Variants in SLC45A3 observed in about 807,000 individuals in gnomAD.
SLC45A3 encodes solute carrier family 45 member 3, also known as prostate cancer associated protein 2.
Under a neutral mutation model 35.3 loss-of-function variants are expected in SLC45A3, and 17 were observed. The ratio of observed to expected loss-of-function variants is 0.48; its 90% confidence interval spans 0.33 to 0.72. The LOEUF (loss-of-function observed/expected upper bound fraction) is 0.72, where lower values mean the gene tolerates loss of function less well. Among genes scored for constraint, SLC45A3 ranks in the 30% least tolerant of loss-of-function variants. The pLI, the probability that SLC45A3 is intolerant of heterozygous loss-of-function variation, is 0.02. For synonymous variants in SLC45A3, 288 were observed against 334.3 expected (o/e 0.86, Z 1.51); for missense variants, 597 against 731.7 (o/e 0.82, Z 2.12).
rs567314237 is a variant in SLC45A3, at chr1:205,658,784, A to G, written c.*450T>C. The G allele has an allele frequency of 4.9e-5, 12 of 244,212 alleles. No homozygotes were observed. Among genetic ancestry groups the G allele is most frequent in the Non-Finnish European group, 8.9e-5 (11 of 123,516 alleles). The allele number at this position is 244,212 out of a possible 1,614,324, so 15.1% of individuals were successfully genotyped here. A position where few individuals can be genotyped will look rare whatever the true frequency, so the allele number is the denominator to read the frequency against. ...GGAGTGTTTCATCCTAGAAACTCCCATGCAAGAGCTACATTAAACGAAGCT... is the reference window on the plus strand; with the variant it reads ...GGAGTGTTTCATCCTAGAAACTCCCGTGCAAGAGCTACATTAAACGAAGCT... On this transcript the variant is annotated 3_prime_UTR_variant, in exon 5 of 5. Coordinates refer to ENST00000367145, the MANE Select transcript of SLC45A3 (RefSeq NM_033102.3).
chr1:205,668,899 A>T (rs1671160868), intron 1 of SLC45A3, among the ~76,000 whole-genome samples: 1 of 152,108 alleles, frequency 6.6e-6, no homozygotes, highest in Non-Finnish European at 1.5e-5. Context: ...GGGGGAAAAG[A>T]ATCAAAACCC....
chr1:205,663,985 T>C lies in SLC45A3; in HGVS notation c.173-367A>G, dbSNP rs569326784. Among the ~76,000 whole-genome samples the C allele has an allele frequency of 5.9e-5, 9 of 152,214 alleles. No individual in the cohort carries two copies. The South Asian group carries it at 1.7e-3, about 28-fold the overall frequency. On this transcript the variant is annotated intron_variant, in intron 2 of 4. Transcript: ENST00000367145. ...GTTACTACTTGCCTTCTGTGGCTTT[T>C]GTAGAATTTATCTGCAGAGTCAGGA... is the stretch of plus-strand genomic sequence containing the variant.
chr1:205,662,205 C>T lies in SLC45A3; in HGVS notation c.959-79G>A, dbSNP rs1317519274. ...GTCTCAGGGAGATGAGAAGGCGGAA[C>T]CACAGGTACCTGCTGCACGAGACCT... On this transcript the variant is annotated intron_variant, in intron 3 of 4. Transcript: ENST00000367145. The surrounding 1 kb of genome is among the most constrained non-coding windows in gnomAD (Gnocchi z 6.2). 37 of 1,509,484 alleles carry T rather than the reference C, an allele frequency of 2.5e-5. No individual in the cohort carries two copies. In the South Asian group the frequency reaches 4.4e-4, roughly 18 times the overall value. The allele number at this position is 1,509,484 out of a possible 1,614,324, so 93.5% of individuals were successfully genotyped here.
intron 1 of SLC45A3, among the ~76,000 whole-genome samples, chr1:205,672,096 C>T (rs190963633): frequency 4.6e-5 from 7 of 152,174 alleles, no homozygotes; most frequent in Non-Finnish European, 1.0e-4. Context: ...TATGAAAGTT[C>T]CTGGCGGCCA....
rs1671173533 is a variant in SLC45A3, at chr1:205,669,550, C to T, written c.-230-4664G>A. ...CGTGGAAGCCCAGGCTGGGGGCAGC[C>T]CCCACCCCGGGCCTGTGTCATGCAG... On this transcript the variant is annotated intron_variant, in intron 1 of 4. Coordinates refer to ENST00000367145, the MANE Select transcript of SLC45A3 (RefSeq NM_033102.3). The surrounding 1 kb of genome is among the most constrained non-coding windows in gnomAD (Gnocchi z 4.1). Among the ~76,000 whole-genome samples, 1 of 152,080 alleles carries T rather than the reference C, an allele frequency of 6.6e-6. No individual in the cohort carries two copies. The highest frequency in any genetic ancestry group is 1.5e-5 in the Non-Finnish European group (1 of 67,978).
chr1:205,664,472 T>G lies in SLC45A3; in HGVS notation c.172+13A>C, dbSNP rs762868795. The G allele has an allele frequency of 6.2e-7, 1 of 1,613,588 alleles. No homozygotes were observed. The highest frequency in any genetic ancestry group is 8.5e-7 in the Non-Finnish European group (1 of 1,179,622). ...TATCTGGAACAGGAAGGAAGGAGGATGTAGTGACTCACCCAGCACCATGGT... is the reference window on the plus strand; with the variant it reads ...TATCTGGAACAGGAAGGAAGGAGGAGGTAGTGACTCACCCAGCACCATGGT... On this transcript the variant is annotated intron_variant, in intron 2 of 4. Coordinates refer to ENST00000367145, the MANE Select transcript of SLC45A3 (RefSeq NM_033102.3). This position sits in a 1 kb window ranked among gnomAD's most constrained non-coding sequence, Gnocchi z 5.3.
intron 1 of SLC45A3, among the ~76,000 whole-genome samples, chr1:205,673,721 A>G (rs1305612283): frequency 6.6e-6 from 1 of 152,174 alleles, no homozygotes; most frequent in Admixed American, 6.6e-5. Context: ...CCCATTTATA[A>G]AGAGAGGGCT....
rs1209736395 is a variant in SLC45A3 at position 205,666,664 on chromosome 1, G to A, written c.-230-1778C>T. The stretch of plus-strand genomic sequence containing the variant: ...TAAATCCTGCTCAGACTCACCCTTT[G>A]GGATGGGGCACACGGCCTCCTACGG... On this transcript the variant is annotated intron_variant, in intron 1 of 4. Transcript: ENST00000367145. The surrounding 1 kb of genome is among the most constrained non-coding windows in gnomAD (Gnocchi z 4.1). Among the ~76,000 whole-genome samples, 1 of 152,240 alleles carries A rather than the reference G, an allele frequency of 6.6e-6. No individual in the cohort carries two copies. The highest frequency in any genetic ancestry group is 1.5e-5 in the Non-Finnish European group (1 of 68,040).
chr1:205,663,375 C>T lies in SLC45A3; in HGVS notation c.416G>A (p.Cys139Tyr). ...VGLLDFCGQV[C>Y]FTPLEALLSD... Reference sequence around the variant, plus strand: ...GAGCAGGGCCTCCAGTGGAGTGAAGCACACCTGGCCACAGAAGTCCAGCAG... The same window carrying T: ...GAGCAGGGCCTCCAGTGGAGTGAAGTACACCTGGCCACAGAAGTCCAGCAG... Residue 139 changes from cysteine (C) to tyrosine (Y), a missense_variant, in exon 3 of 5, where the codon TGC (cysteine) becomes TAC (tyrosine). By Grantham distance (194) the Cys-to-Tyr change is radical. Transcript: ENST00000367145. 2 of 1,613,360 alleles carry T rather than the reference C, an allele frequency of 1.2e-6. No individual in the cohort carries two copies. The highest frequency in any genetic ancestry group is 1.7e-6 in the Non-Finnish European group (2 of 1,180,010).
In SLC45A3 at chr1:205,662,856, T is replaced by A; in HGVS notation, c.935A>T (p.Glu312Val). ...QGVPRAEPGT[E>V]ARRHYDEGVR... ...ACCTTCATCATAGTGTCTCCGGGCC[T>A]CGGTGCCCGGCTCAGCTCTGGGCAC... The change falls in exon 3 of 5, where the codon GAG becomes GTG. Residue 312 changes from glutamate (E) to valine (V), a missense_variant. This residue lies in a region of SLC45A3 where 555 missense variants were observed against 664.9 expected (regional missense o/e 0.83). Coordinates refer to ENST00000367145, the MANE Select transcript of SLC45A3 (RefSeq NM_033102.3). This position sits in a 1 kb window ranked among gnomAD's most constrained non-coding sequence, Gnocchi z 6.2. 6.2e-7 allele frequency: 1 copy of A among 1,602,252 alleles called. No homozygotes were observed.
Position 205,663,538 on chromosome 1 carries a change from G to A in SLC45A3, c.253C>T (p.Arg85Cys), listed in dbSNP as rs774696704. Residue 85 changes from arginine to cysteine, a missense_variant, in exon 3 of 5, where the codon CGC becomes TGC. Arg to Cys is a radical substitution (Grantham distance 180). Around this residue, in one of 3 missense-constraint regions of SLC45A3, gnomAD observed 555 missense variants for 664.9 expected, o/e 0.83. Transcript: ENST00000367145. ...SDHWRGRYGR[R>C]RPFIWALSLG... ...GACAGTGCCCAGATGAAGGGCCGGC[G>A]GCGGCCATAGCGTCCACGCCAGTGG... is the stretch of plus-strand genomic sequence containing the variant. 6.2e-6 allele frequency: 10 copies of A among 1,612,798 alleles called. No individual in the cohort carries two copies. Among genetic ancestry groups the A allele is most frequent in the African/African-American group, 4.0e-5 (3 of 74,936 alleles).
intron 4 of SLC45A3, among the ~76,000 whole-genome samples, chr1:205,660,557 AAAGGAACAGGCAG>A (rs1490195509): frequency 6.6e-6 from 1 of 152,146 alleles, no homozygotes; most frequent in East Asian, 1.9e-4. Context: ...ACAAGTGGGC[AAAGGAACAGGCAG>A]ACAGCGTGCA....
chr1:205,676,815 C>T (rs1184624924), intron 1 of SLC45A3, among the ~76,000 whole-genome samples: 1 of 152,202 alleles, frequency 6.6e-6, no homozygotes, highest in Non-Finnish European at 1.5e-5. Context: ...ACTTAATACA[C>T]TGGACAAAGC....
In SLC45A3 at chr1:205,663,090, G is replaced by A. The variant is rs746731143; in HGVS notation, c.701C>T (p.Ala234Val). 7 of 1,578,988 alleles carry A rather than the reference G, an allele frequency of 4.4e-6. No individual in the cohort carries two copies. The highest frequency in any genetic ancestry group is 6.0e-6 in the Non-Finnish European group (7 of 1,169,416). The change falls in exon 3 of 5, where the codon GCC becomes GTC. Residue 234 changes from alanine to valine, a missense_variant. This residue lies in a region of SLC45A3 where 555 missense variants were observed against 664.9 expected (regional missense o/e 0.83). Coordinates refer to ENST00000367145, the MANE Select transcript of SLC45A3 (RefSeq NM_033102.3). Reference sequence around the variant, plus strand: ...ACAGCAGTGGGGCGACAAGGAGGGGGCCGACAGCCCTTCTGCTGGCTCGGT... The same window carrying A: ...ACAGCAGTGGGGCGACAAGGAGGGGACCGACAGCCCTTCTGCTGGCTCGGT... ...GPTEPAEGLS[A>V]PSLSPHCCPC...
At chr1:205,670,098 T>C (rs1312299125) in intron 1 of SLC45A3, among the ~76,000 whole-genome samples, 2 of 144,336 alleles carry the variant, frequency 1.4e-5, no homozygotes, top group East Asian at 4.4e-4. Context: ...CTGACTGCAC[T>C]CCCCACGAGC....
intron 1 of SLC45A3, among the ~76,000 whole-genome samples, chr1:205,674,122 C>A (rs1671262051): frequency 6.6e-6 from 1 of 151,118 alleles, no homozygotes; most frequent in African/African-American, 2.4e-5. Flanking sequence ...GTGGGGGGCA[C>A]ATGCAGTTCT....
At position 205,662,359 on chromosome 1, in the gene SLC45A3, G is replaced by A; in HGVS notation, c.959-233C>T. The A allele has an allele frequency of 1.4e-6, 2 of 1,402,316 alleles. No individual in the cohort carries two copies. 86.9% of individuals were successfully genotyped at this position (1,402,316 alleles called of 1,614,324 possible). Reference sequence around the variant, plus strand: ...TGCTGAAGGCAGAGGAAGGTAGTCTGAAGGTTTCCTGGGAGTCTCAGCTGT... The same window carrying A: ...TGCTGAAGGCAGAGGAAGGTAGTCTAAAGGTTTCCTGGGAGTCTCAGCTGT... On this transcript the variant is annotated intron_variant, in intron 3 of 4. Transcript: ENST00000367145. This position sits in a 1 kb window ranked among gnomAD's most constrained non-coding sequence, Gnocchi z 6.2.
In SLC45A3 at chr1:205,664,730, A is replaced by AAGCT; in HGVS notation, c.-78_-75dup. 6.4e-7 allele frequency: 1 copy of AAGCT among 1,554,758 alleles called. No individual in the cohort carries two copies. The highest frequency in any genetic ancestry group is 1.2e-5 in the South Asian group (1 of 82,662). ...CTGCTTCGTCTCGGCTCTGCTCCAG[A>AAGCT]AGCTGCGGCCTCTCCTCCTTGCTGC... On this transcript the variant is annotated 5_prime_UTR_variant, in exon 2 of 5. An upstream open reading frame in the 5' UTR gains an earlier in-frame stop. Coordinates refer to ENST00000367145, the MANE Select transcript of SLC45A3 (RefSeq NM_033102.3). This position sits in a 1 kb window ranked among gnomAD's most constrained non-coding sequence, Gnocchi z 5.3.
Position 205,664,544 on chromosome 1 carries a change from T to C in SLC45A3, c.113A>G (p.Tyr38Cys), listed in dbSNP as rs1382629327. Reference sequence around the variant, plus strand: ...CACTTCCAGCAGCAGAGGCGGCACATAGGTGATGCCTGCGGCCAAACACAC... The same window carrying C: ...CACTTCCAGCAGCAGAGGCGGCACACAGGTGATGCCTGCGGCCAAACACAC... Reference protein sequence around the residue: ...LEVCLAAGITYVPPLLLEVGV... With the variant: ...LEVCLAAGITCVPPLLLEVGV... The change falls in exon 2 of 5, where the codon TAT becomes TGT. Residue 38 changes from tyrosine to cysteine, a missense_variant. Around this residue, in one of 3 missense-constraint regions of SLC45A3, gnomAD observed 5 missense variants for 25.6 expected, o/e 0.20. Transcript: ENST00000367145. This position sits in a 1 kb window ranked among gnomAD's most constrained non-coding sequence, Gnocchi z 5.3. 8 of 1,614,212 alleles carry C rather than the reference T, an allele frequency of 5.0e-6. No homozygotes were observed. Among genetic ancestry groups the C allele is most frequent in the Non-Finnish European group, 6.8e-6 (8 of 1,180,026 alleles).
Sources: allele counts gnomAD v4.1 joint callset (sites outside exome capture counted in the v4.1 genomes callset), GRCh38; gene constraint gnomAD v4.1.1; regional missense constraint gnomAD v4.1.1; non-coding constraint Gnocchi (gnomAD v3.1); transcripts MANE v1.5; gene names NCBI Gene and HGNC (gene_info 2026-07-23, HGNC 2026-07-21).